PCSK5: variants seen among roughly 807,000 people sequenced by gnomAD.
The protein encoded by PCSK5 is proprotein convertase subtilisin/kexin type 5.
A neutral mutation model predicts 233.2 loss-of-function variants in PCSK5; 129 were observed. That is an observed-to-expected ratio of 0.55 (90% CI 0.48 to 0.64). PCSK5 has a LOEUF of 0.64. Ranked by LOEUF, PCSK5 falls within the 30% of genes least tolerant of loss-of-function variation. The probability of loss-of-function intolerance (pLI) is 0.00; values close to 1 mark genes in which losing one functional copy is unlikely to be tolerated. For synonymous variants in PCSK5, 825 were observed against 879.2 expected (o/e 0.94, Z 1.09); for missense variants, 2,076 against 2,430.1 (o/e 0.85, Z 3.06).
At chr9:76,136,285 A>G (rs1010964112) in intron 10 of PCSK5, among the ~76,000 whole-genome samples, 1 of 152,074 alleles carries the variant, frequency 6.6e-6, no homozygotes, top group Non-Finnish European at 1.5e-5. Flanking sequence ...AGAGTCCCAC[A>G]GATAAATGTG....
chr9:75,973,948 G>A (rs1825908926), intron 2 of PCSK5, among the ~76,000 whole-genome samples: 1 of 152,212 alleles, frequency 6.6e-6, no homozygotes, highest in East Asian at 1.9e-4. Flanking sequence ...TGACACAACA[G>A]ACTCCAGGGT....
intron 3 of PCSK5, among the ~76,000 whole-genome samples, chr9:75,990,400 C>T (rs1306413750): frequency 6.6e-6 from 1 of 152,144 alleles, no homozygotes; most frequent in Non-Finnish European, 1.5e-5. Context: ...TTATGTGTAG[C>T]CTTGAGGCTT....
chr9:75,892,762 G>T (rs981212760), intron 1 of PCSK5, among the ~76,000 whole-genome samples: 1 of 152,220 alleles, frequency 6.6e-6, no homozygotes, highest in Non-Finnish European at 1.5e-5. Flanking sequence ...GGAGTGCGGG[G>T]AGTGTTCAGA....
chr9:76,339,925 G>A (rs1274689165), intron 35 of PCSK5, among the ~76,000 whole-genome samples: 1 of 152,102 alleles, frequency 6.6e-6, no homozygotes, highest in Non-Finnish European at 1.5e-5. Flanking sequence ...TGTCTTCCAT[G>A]TATTCTAGAA....
At chr9:75,898,423 G>C (rs996452928) in intron 1 of PCSK5, among the ~76,000 whole-genome samples, 1 of 152,132 alleles carries the variant, frequency 6.6e-6, no homozygotes, top group Non-Finnish European at 1.5e-5. Flanking sequence ...TTCTTATCCA[G>C]TATTGAAATT....
chr9:76,003,142 A>G (rs556679757), intron 3 of PCSK5, among the ~76,000 whole-genome samples: 52 of 152,360 alleles, frequency 3.4e-4, no homozygotes, highest in Admixed American at 1.4e-3. Flanking sequence ...GGCTATGGAA[A>G]GAGGTCATCC....
intron 16 of PCSK5, among the ~76,000 whole-genome samples, chr9:76,184,291 A>G (rs935344620): frequency 1.3e-5 from 2 of 152,126 alleles, no homozygotes; most frequent in Admixed American, 1.3e-4. Context: ...ATTGCCTTTC[A>G]ATCCCTATAC....
chr9:75,895,191 A>G (rs965273706), intron 1 of PCSK5, among the ~76,000 whole-genome samples: 1 of 152,220 alleles, frequency 6.6e-6, no homozygotes, highest in Non-Finnish European at 1.5e-5. Context: ...GAAACTCTGG[A>G]GAGGCCACTT....
At chr9:76,205,683 A>G (rs545555452) in intron 20 of PCSK5, among the ~76,000 whole-genome samples, 1 of 152,352 alleles carries the variant, frequency 6.6e-6, no homozygotes, top group Admixed American at 6.5e-5. Context: ...CAACGAGACA[A>G]CATCAGCCTC....
chr9:76,052,293 T>G (rs1235834630), intron 5 of PCSK5, among the ~76,000 whole-genome samples: 1 of 152,152 alleles, frequency 6.6e-6, no homozygotes, highest in African/African-American at 2.4e-5. Flanking sequence ...TGTGCATTAG[T>G]CTGTTCTCAC....
At chr9:75,972,892 A>G (rs1407611376) in intron 2 of PCSK5, among the ~76,000 whole-genome samples, 2 of 152,168 alleles carry the variant, frequency 1.3e-5, no homozygotes, top group African/African-American at 2.4e-5. Context: ...TGATAACCCA[A>G]AGGGAGAGAG....
rs1213348344 is a variant in PCSK5, at chr9:75,890,730, G to A, written c.-452G>A. The A allele has an allele frequency of 6.3e-6, 1 of 158,898 alleles. No homozygotes were observed. Among genetic ancestry groups the A allele is most frequent in the Non-Finnish European group, 1.4e-5 (1 of 72,490 alleles). 9.8% of individuals were successfully genotyped at this position (158,898 alleles called of 1,614,324 possible). A position where few individuals can be genotyped will look rare whatever the true frequency, so the allele number is the denominator to read the frequency against. ...CGGAGGGAGCGCTGGGAGCGAGCAA[G>A]CGAGCGTTTGGAGCCCGGGCCAGCA... On this transcript the variant is annotated 5_prime_UTR_variant, in exon 1 of 38. Transcript: ENST00000674117.
intron 37 of PCSK5, among the ~76,000 whole-genome samples, chr9:76,355,378 C>T (rs1830274363): frequency 6.6e-6 from 1 of 152,066 alleles, no homozygotes; most frequent in Middle Eastern, 3.4e-3. Flanking sequence ...GAGGCTGAGG[C>T]AAGAGAATGG....
At chr9:76,353,992 C>G (rs1564198409) in intron 36 of PCSK5, 41 bp from the exon 37 acceptor site, 1 of 1,456,722 alleles carries the variant, frequency 6.9e-7, no homozygotes, top group Non-Finnish European at 9.4e-7. Flanking sequence ...CCTTGTTAAT[C>G]CCTTTACACT....
chr9:76,008,832 A>C (rs1356422810), intron 3 of PCSK5, among the ~76,000 whole-genome samples: 1 of 152,374 alleles, frequency 6.6e-6, no homozygotes, highest in South Asian at 2.1e-4. Flanking sequence ...AGGACAAATT[A>C]GTATTATGCT....
intron 34 of PCSK5, 37 bp from the exon 35 acceptor site, chr9:76,338,193 G>A (rs1475558051): frequency 6.8e-7 from 1 of 1,478,640 alleles, no homozygotes; most frequent in Non-Finnish European, 9.3e-7. Context: ...TAGGAGCAAA[G>A]CTTACTATTC....
At chr9:76,064,111 C>T (rs1357231974) in intron 5 of PCSK5, among the ~76,000 whole-genome samples, 2 of 122,600 alleles carry the variant, frequency 1.6e-5, no homozygotes, top group African/African-American at 3.7e-5. Flanking sequence ...ACCTCCCAGA[C>T]GGGGCGGCTG....
At chr9:76,124,350 T>A (rs1311606999) in intron 9 of PCSK5, among the ~76,000 whole-genome samples, 1 of 152,162 alleles carries the variant, frequency 6.6e-6, no homozygotes, top group Admixed American at 6.5e-5. Flanking sequence ...CTCAGTAATT[T>A]TTAGTCCTCA....
At chr9:76,295,870 G>A (rs1230776345) in intron 26 of PCSK5, among the ~76,000 whole-genome samples, 1 of 152,238 alleles carries the variant, frequency 6.6e-6, no homozygotes, top group African/African-American at 2.4e-5. Flanking sequence ...GAAATACAGT[G>A]TGACTCTTCC....
Sources: gnomAD v4.1 joint callset for allele counts (sites outside exome capture counted in the v4.1 genomes callset) on GRCh38, gnomAD v4.1.1 for gene constraint, MANE v1.5 for transcripts, NCBI Gene and HGNC (gene_info 2026-07-23, HGNC 2026-07-21) for gene names.